The following ZMAT4 variants were observed in gnomAD, a reference collection of about 807,000 sequenced individuals.
ZMAT4 encodes the protein zinc finger matrin-type 4, also known as zinc finger matrin-type protein 4.
In ZMAT4, 17 loss-of-function variants were observed where a neutral mutation model predicts 28.7. That is an observed-to-expected ratio of 0.59 (90% CI 0.41 to 0.89). The LOEUF (loss-of-function observed/expected upper bound fraction) is 0.89, where lower values mean the gene tolerates loss of function less well. Among genes scored for constraint, ZMAT4 ranks in the 40% least tolerant of loss-of-function variants. The pLI, the probability that ZMAT4 is intolerant of heterozygous loss-of-function variation, is 0.00. For missense variants in ZMAT4, 240 were observed against 283.8 expected (o/e 0.85, Z 1.11); for synonymous variants, 117 against 109.2 (o/e 1.07, Z -0.44).
At chr8:40,886,277 C>CCTT (rs1563266765) in intron 1 of ZMAT4, among the ~76,000 whole-genome samples, 1 of 152,204 alleles carries the variant, frequency 6.6e-6, no homozygotes, top group African/African-American at 2.4e-5. Flanking sequence ...CTGCTGGCAT[C>CCTT]CTTCTTCAGG....
chr8:40,544,058 CAG>C (rs2118391982), intron 6 of ZMAT4, among the ~76,000 whole-genome samples: 1 of 152,250 alleles, frequency 6.6e-6, no homozygotes, highest in East Asian at 1.9e-4. Flanking sequence ...GGGGATGCCA[CAG>C]GGAGGTGCAC....
chr8:40,675,003 G>A (rs866480247), intron 4 of ZMAT4, 72 bp from the exon 5 acceptor site: 41 of 1,227,672 alleles, frequency 3.3e-5, no homozygotes, highest in Non-Finnish European at 4.5e-5. Flanking sequence ...CTCAATACCC[G>A]AAGACCAAAA....
At chr8:40,655,930 A>G (rs1171123263) in intron 5 of ZMAT4, among the ~76,000 whole-genome samples, 1 of 152,134 alleles carries the variant, frequency 6.6e-6, no homozygotes, top group East Asian at 1.9e-4. Context: ...AATGCAAACA[A>G]CAACAACAGA....
intron 2 of ZMAT4, among the ~76,000 whole-genome samples, chr8:40,806,048 G>T (rs1002552311): frequency 1.3e-5 from 2 of 151,898 alleles, no homozygotes; most frequent in African/African-American, 4.8e-5. Context: ...TATCTTAATT[G>T]TTATCACGAA....
At chr8:40,621,446 G>A (rs1466744499) in intron 5 of ZMAT4, among the ~76,000 whole-genome samples, 5 of 152,200 alleles carry the variant, frequency 3.3e-5, no homozygotes, top group African/African-American at 4.8e-5. Flanking sequence ...AAATGATCAT[G>A]TCTGAGCAGC....
intron 2 of ZMAT4, among the ~76,000 whole-genome samples, chr8:40,790,792 T>A (rs954335770): frequency 6.6e-6 from 1 of 152,236 alleles, no homozygotes; most frequent in Non-Finnish European, 1.5e-5. Context: ...GATTCTACAA[T>A]GCATTTGAAC....
At chr8:40,754,610 G>T (rs1166582833) in intron 3 of ZMAT4, among the ~76,000 whole-genome samples, 1 of 152,048 alleles carries the variant, frequency 6.6e-6, no homozygotes, top group Non-Finnish European at 1.5e-5. Flanking sequence ...TCCACCTGGG[G>T]GTATAGTTTG....
At chr8:40,739,500 T>TCC (rs1368101242) in intron 3 of ZMAT4, among the ~76,000 whole-genome samples, 67 of 152,322 alleles carry the variant, frequency 4.4e-4, no homozygotes, top group African/African-American at 1.6e-3. Flanking sequence ...TTCTTTAATT[T>TCC]GGGATTGTAA....
At position 40,786,633 on chromosome 8, in the gene ZMAT4, C is replaced by T. The variant is rs999081664; in HGVS notation, c.103-18903G>A. ...TCTTGTGAAATCTCAGCATCTCCTTCTGTGAACATCCATTCATTAACCATC... is the reference window on the plus strand; with the variant it reads ...TCTTGTGAAATCTCAGCATCTCCTTTTGTGAACATCCATTCATTAACCATC... On this transcript the variant is annotated intron_variant, in intron 2 of 6. Coordinates refer to ENST00000297737, the MANE Select transcript of ZMAT4 (RefSeq NM_024645.3). 89 of 1,188,162 alleles carry T rather than the reference C, an allele frequency of 7.5e-5. No individual in the cohort carries two copies. The East Asian group carries it at 5.0e-3, about 67-fold the overall frequency. 73.6% of individuals were successfully genotyped at this position (1,188,162 alleles called of 1,614,324 possible).
chr8:40,668,269 G>T (rs528722108), intron 5 of ZMAT4, among the ~76,000 whole-genome samples: 28 of 151,784 alleles, frequency 1.8e-4, no homozygotes, highest in African/African-American at 6.3e-4. Context: ...GTCAGGATTG[G>T]AACCAGCCTG....
intron 6 of ZMAT4, among the ~76,000 whole-genome samples, chr8:40,550,585 C>T (rs1803338419): frequency 6.6e-6 from 1 of 152,118 alleles, no homozygotes; most frequent in Non-Finnish European, 1.5e-5. Context: ...GTAATTGGAT[C>T]ATGAGGGTGG....
In ZMAT4 at chr8:40,531,470, T is replaced by C. The variant is rs748176093; in HGVS notation, c.*753A>G. ...TTTTGGATGCTTTTGGGGAAAAAAA[T>C]TCACCAAGGTCAAGGGCTGTGAAGA... On this transcript the variant is annotated 3_prime_UTR_variant, in exon 7 of 7. Coordinates refer to ENST00000297737, the MANE Select transcript of ZMAT4 (RefSeq NM_024645.3). 1.3e-5 allele frequency: 2 copies of C among 152,644 alleles called. No homozygotes were observed. Among genetic ancestry groups the C allele is most frequent in the East Asian group, 3.9e-4 (2 of 5,180 alleles). 9.5% of individuals were successfully genotyped at this position (152,644 alleles called of 1,614,324 possible).
chr8:40,577,948 T>C (rs554671632), intron 6 of ZMAT4, among the ~76,000 whole-genome samples: 1 of 152,110 alleles, frequency 6.6e-6, no homozygotes, highest in South Asian at 2.1e-4. Context: ...AAAGAAGATA[T>C]AAACAAACGC....
chr8:40,557,172 G>T (rs1400408800), intron 6 of ZMAT4, among the ~76,000 whole-genome samples: 1 of 152,022 alleles, frequency 6.6e-6, no homozygotes, highest in Non-Finnish European at 1.5e-5. Flanking sequence ...TATTTCAAAA[G>T]GATACCTGCA....
At chr8:40,693,988 C>T (rs1316353136) in intron 4 of ZMAT4, among the ~76,000 whole-genome samples, 3 of 152,156 alleles carry the variant, frequency 2.0e-5, no homozygotes, top group South Asian at 4.1e-4. Context: ...CTGTTATTCA[C>T]GGGGGTGGGG....
intron 6 of ZMAT4, among the ~76,000 whole-genome samples, chr8:40,535,434 G>A (rs1380035674): frequency 6.6e-6 from 1 of 152,168 alleles, no homozygotes; most frequent in Non-Finnish European, 1.5e-5. Context: ...ACTTTGGGAG[G>A]CTGAGGCAGG....
At chr8:40,550,005 C>T (rs545089245) in intron 6 of ZMAT4, among the ~76,000 whole-genome samples, 3 of 152,130 alleles carry the variant, frequency 2.0e-5, no homozygotes, top group Admixed American at 1.3e-4. Flanking sequence ...TAAACAAATT[C>T]TTTGCCAATT....
chr8:40,608,983 C>T (rs773210591), intron 5 of ZMAT4, among the ~76,000 whole-genome samples: 5 of 152,154 alleles, frequency 3.3e-5, no homozygotes, highest in Non-Finnish European at 5.9e-5. Context: ...CTTGGCTTTC[C>T]TGGTATGTTC....
chr8:40,769,129 C>T (rs1293169392), intron 2 of ZMAT4, among the ~76,000 whole-genome samples: 1 of 152,014 alleles, frequency 6.6e-6, no homozygotes, highest in Non-Finnish European at 1.5e-5. Context: ...TTAAAAGTGC[C>T]AATGAAACAT....
Sources: gnomAD v4.1 joint callset for allele counts (sites outside exome capture counted in the v4.1 genomes callset) on GRCh38, gnomAD v4.1.1 for gene constraint, MANE v1.5 for transcripts, NCBI Gene and HGNC (gene_info 2026-07-23, HGNC 2026-07-21) for gene names.